HEMK2: variants seen among roughly 807,000 people sequenced by gnomAD.
The protein encoded by HEMK2 is methyltransferase HEMK2.
chr21:28,616,104 G>A, the HEMK2 span, among the ~76,000 whole-genome samples: 2 of 152,170 alleles, frequency 1.3e-5, no homozygotes, highest in Non-Finnish European at 2.9e-5. Flanking sequence ...GGTTGACAGT[G>A]GAAGCTTCAG....
At chr21:28,735,274 G>GGC in the HEMK2 span, among the ~76,000 whole-genome samples, 541 of 152,274 alleles carry the variant, frequency 3.6e-3, 10 homozygotes, top group Non-Finnish European at 3.0e-3. Flanking sequence ...TCTACCCTGG[G>GGC]TATCATAAGG....
At chr21:28,596,811 T>C in the HEMK2 span, among the ~76,000 whole-genome samples, 1 of 152,310 alleles carries the variant, frequency 6.6e-6, no homozygotes, top group East Asian at 1.9e-4. Flanking sequence ...CTGGGAATTT[T>C]AAAAGAAGTG....
At chr21:28,698,200 CT>C in the HEMK2 span, among the ~76,000 whole-genome samples, 1 of 152,156 alleles carries the variant, frequency 6.6e-6, no homozygotes, top group Non-Finnish European at 1.5e-5. Flanking sequence ...CATCATACAA[CT>C]TTTAGCTGGA....
the HEMK2 span, among the ~76,000 whole-genome samples, chr21:28,663,316 C>A: frequency 6.6e-6 from 1 of 152,288 alleles, no homozygotes; most frequent in East Asian, 1.9e-4. Flanking sequence ...GACTGCAGTG[C>A]GGTAATGTGA....
chr21:28,577,719 T>A, the HEMK2 span, among the ~76,000 whole-genome samples: 1 of 152,172 alleles, frequency 6.6e-6, no homozygotes, highest in Admixed American at 6.5e-5. Context: ...TTATATTTTT[T>A]AAAAAAGTGA....
chr21:28,630,179 T>C, the HEMK2 span, among the ~76,000 whole-genome samples: 1 of 127,440 alleles, frequency 7.8e-6, no homozygotes, highest in African/African-American at 2.5e-5. Context: ...TCATTAACTT[T>C]CTTTTTTTTC....
At chr21:28,679,957 T>G in the HEMK2 span, among the ~76,000 whole-genome samples, 11 of 152,046 alleles carry the variant, frequency 7.2e-5, no homozygotes, top group African/African-American at 2.2e-4. Flanking sequence ...AGGAAAGATC[T>G]AAAATTGACA....
At chr21:28,576,991 G>A in the HEMK2 span, among the ~76,000 whole-genome samples, 2 of 152,172 alleles carry the variant, frequency 1.3e-5, no homozygotes, top group South Asian at 2.1e-4. Flanking sequence ...GATTACAGGC[G>A]TGAGCCACTG....
At chr21:28,725,020 G>A in the HEMK2 span, among the ~76,000 whole-genome samples, 8 of 152,224 alleles carry the variant, frequency 5.3e-5, no homozygotes, top group South Asian at 1.5e-3. Context: ...TTGGCCTCAA[G>A]CAATCCGCCC....
chr21:28,856,789 G>A, the HEMK2 span, among the ~76,000 whole-genome samples: 6 of 152,236 alleles, frequency 3.9e-5, no homozygotes, highest in Admixed American at 2.0e-4. Flanking sequence ...TGCAACCTGC[G>A]TATCAGGAGA....
At chr21:28,864,807 A>AT in the HEMK2 span, among the ~76,000 whole-genome samples, 224 of 54,508 alleles carry the variant, frequency 4.1e-3, 1 homozygote, top group African/African-American at 0.012. Flanking sequence ...CCTCTCTCTG[A>AT]AAGACAGACA....
the HEMK2 span, among the ~76,000 whole-genome samples, chr21:28,660,910 T>A: frequency 6.6e-6 from 1 of 152,084 alleles, no homozygotes; most frequent in Non-Finnish European, 1.5e-5. Context: ...ATGAACCAAT[T>A]GTTTAATACT....
At chr21:28,838,996 TATATAC>T in the HEMK2 span, among the ~76,000 whole-genome samples, 1,775 of 60,312 alleles carry the variant, frequency 0.029, 66 homozygotes, top group East Asian at 0.086. Context: ...TATATATATA[TATATAC>T]ATATATATAC....
the HEMK2 span, among the ~76,000 whole-genome samples, chr21:28,840,911 C>A: frequency 6.9e-6 from 1 of 145,220 alleles, no homozygotes; most frequent in African/African-American, 2.6e-5. Flanking sequence ...ATGTTTATAG[C>A]AGCACAATTT....
the HEMK2 span, among the ~76,000 whole-genome samples, chr21:28,685,214 G>C: frequency 6.6e-6 from 1 of 152,136 alleles, no homozygotes; most frequent in African/African-American, 2.4e-5. Context: ...CAATTGCCTT[G>C]CCATATGTTT....
At chr21:28,778,387 C>T in the HEMK2 span, among the ~76,000 whole-genome samples, 1 of 152,194 alleles carries the variant, frequency 6.6e-6, no homozygotes, top group African/African-American at 2.4e-5. Flanking sequence ...AGCTTTTATA[C>T]ACATTCATCA....
chr21:28,684,195 G>A, the HEMK2 span, among the ~76,000 whole-genome samples: 3 of 152,092 alleles, frequency 2.0e-5, no homozygotes, highest in African/African-American at 7.2e-5. Flanking sequence ...TTATCCTACC[G>A]TGCACATAAT....
chr21:28,716,084 A>G, the HEMK2 span, among the ~76,000 whole-genome samples: 7 of 151,972 alleles, frequency 4.6e-5, no homozygotes, highest in African/African-American at 1.7e-4. Flanking sequence ...TGATGCTTCC[A>G]GCTTTATTCG....
the HEMK2 span, among the ~76,000 whole-genome samples, chr21:28,602,198 T>C: frequency 6.6e-6 from 1 of 152,332 alleles, no homozygotes; most frequent in South Asian, 2.1e-4. Flanking sequence ...AACTTAAATA[T>C]ATGGACTGTG....
Sources: allele counts gnomAD v4.1 joint callset (sites outside exome capture counted in the v4.1 genomes callset), GRCh38; gene constraint gnomAD v4.1.1; transcripts MANE v1.5; gene names NCBI Gene and HGNC (gene_info 2026-07-23, HGNC 2026-07-21).